Variants in PPARD observed in about 807,000 individuals in gnomAD.
PPARD encodes the protein peroxisome proliferator activated receptor delta, also known as peroxisome proliferator-activated receptor delta.
Under a neutral mutation model 39.5 loss-of-function variants are expected in PPARD, and 6 were observed. The ratio of observed to expected loss-of-function variants is 0.15; its 90% CI spans 0.08 to 0.30. The LOEUF is 0.30. Ranked by LOEUF, PPARD falls within the 10% of genes least tolerant of loss-of-function variation. The pLI is 1.00. For synonymous variants in PPARD, 210 were observed against 231.3 expected (o/e 0.91, Z 0.83); for missense variants, 397 against 596.8 (o/e 0.67, Z 3.49).
chr6:35,422,435 G>T (rs1366117325), intron 5 of PPARD, among the ~76,000 whole-genome samples: 2 of 152,202 alleles, frequency 1.3e-5, no homozygotes, highest in Non-Finnish European at 2.9e-5. Flanking sequence ...GTTTCTTGGA[G>T]GTCACCCACT....
intron 2 of PPARD, among the ~76,000 whole-genome samples, chr6:35,365,448 T>G (rs1033337266): frequency 4.8e-5 from 7 of 146,354 alleles, no homozygotes; most frequent in Non-Finnish European, 9.0e-5. Context: ...CCCCTCATTC[T>G]TTTTTTTTTA....
chr6:35,389,632 G>A (rs907158576), intron 2 of PPARD, among the ~76,000 whole-genome samples: 1 of 152,150 alleles, frequency 6.6e-6, no homozygotes, highest in Middle Eastern at 3.4e-3. Context: ...GTTTTATGGT[G>A]GTATATAAAT....
chr6:35,426,406 C>G lies in PPARD; in HGVS notation c.*327C>G. ...CCCTTTCTCTCTCCACCCCCCACGTCTGTCCTCCTTTCTTATTCTGTGAGA... is the reference window on the plus strand; with the variant it reads ...CCCTTTCTCTCTCCACCCCCCACGTGTGTCCTCCTTTCTTATTCTGTGAGA... On this transcript the variant is annotated 3_prime_UTR_variant, in exon 8 of 8. Coordinates refer to ENST00000360694, the MANE Select transcript of PPARD (RefSeq NM_006238.5). The G allele has an allele frequency of 2.5e-6, 1 of 402,384 alleles. No individual in the cohort carries two copies. Among genetic ancestry groups the G allele is most frequent in the Non-Finnish European group, 4.6e-6 (1 of 219,218 alleles). The allele number at this position is 402,384 out of a possible 1,614,324, so 24.9% of individuals were successfully genotyped here.
chr6:35,387,320 A>G (rs902168802), intron 2 of PPARD, among the ~76,000 whole-genome samples: 1 of 152,166 alleles, frequency 6.6e-6, no homozygotes, highest in African/African-American at 2.4e-5. Context: ...CAAGCTGCCC[A>G]TGGTTTACCC....
At chr6:35,352,288 A>G (rs1761306611) in intron 2 of PPARD, among the ~76,000 whole-genome samples, 1 of 152,006 alleles carries the variant, frequency 6.6e-6, no homozygotes, top group South Asian at 2.1e-4. Flanking sequence ...GGTTCAAGTG[A>G]TTCTTCTGCC....
At chr6:35,404,023 G>A (rs1356870732) in intron 2 of PPARD, among the ~76,000 whole-genome samples, 1 of 152,216 alleles carries the variant, frequency 6.6e-6, no homozygotes, top group Admixed American at 6.5e-5. Flanking sequence ...TGACCAAGGT[G>A]TTCTTGACAG....
At chr6:35,384,155 C>T (rs1304629258) in intron 2 of PPARD, among the ~76,000 whole-genome samples, 2 of 140,924 alleles carry the variant, frequency 1.4e-5, no homozygotes, top group African/African-American at 5.3e-5. Context: ...GCCTGGCCAC[C>T]CCTACTGGGA....
intron 1 of PPARD, among the ~76,000 whole-genome samples, chr6:35,343,235 C>T: frequency 6.6e-6 from 1 of 152,126 alleles, no homozygotes; most frequent in East Asian, 1.9e-4. Context: ...CTGTCCCCTT[C>T]TTATCTGTGG....
chr6:35,353,798 G>A (rs1761400149), intron 2 of PPARD, among the ~76,000 whole-genome samples: 1 of 152,256 alleles, frequency 6.6e-6, no homozygotes, highest in Admixed American at 6.5e-5. Flanking sequence ...GGCTCCGTAT[G>A]GGGCTAACAT....
intron 2 of PPARD, among the ~76,000 whole-genome samples, chr6:35,405,472 G>A (rs1764981667): frequency 6.6e-6 from 1 of 151,972 alleles, no homozygotes; most frequent in Non-Finnish European, 1.5e-5. Context: ...AGCCTCTTAA[G>A]TGGGGCAAAG....
At chr6:35,397,908 T>C (rs954776977) in intron 2 of PPARD, among the ~76,000 whole-genome samples, 3 of 152,012 alleles carry the variant, frequency 2.0e-5, no homozygotes, top group African/African-American at 7.3e-5. Flanking sequence ...GGTGAGGCAG[T>C]GAGCTGTGGA....
At chr6:35,419,335 A>G (rs1765989373) in intron 3 of PPARD, among the ~76,000 whole-genome samples, 1 of 152,174 alleles carries the variant, frequency 6.6e-6, no homozygotes, top group Non-Finnish European at 1.5e-5. Flanking sequence ...CGAGTGTCCA[A>G]AGGGCACTGG....
intron 2 of PPARD, among the ~76,000 whole-genome samples, chr6:35,377,871 C>CA (rs1762903602): frequency 1.7e-5 from 2 of 120,342 alleles, no homozygotes; most frequent in Non-Finnish European, 3.2e-5. Flanking sequence ...GTTTACGTAT[C>CA]TTTTTTTTTT....
intron 3 of PPARD, among the ~76,000 whole-genome samples, chr6:35,418,155 A>G (rs1226888767): frequency 1.3e-5 from 2 of 152,256 alleles, no homozygotes; most frequent in Non-Finnish European, 2.9e-5. Context: ...CGTGCAGGCC[A>G]CAAAGACAAA....
chr6:35,360,946 C>A (rs1402877518), intron 2 of PPARD, among the ~76,000 whole-genome samples: 2 of 152,122 alleles, frequency 1.3e-5, no homozygotes, highest in African/African-American at 4.8e-5. Context: ...ATCTGCCTGC[C>A]CTGCTGGCTC....
intron 2 of PPARD, among the ~76,000 whole-genome samples, chr6:35,355,741 A>G (rs1194570092): frequency 6.7e-6 from 1 of 149,534 alleles, no homozygotes; most frequent in East Asian, 2.0e-4. Flanking sequence ...CCTCCCGAGT[A>G]GCTGGGACTA....
intron 2 of PPARD, among the ~76,000 whole-genome samples, chr6:35,359,627 C>A (rs774503875): frequency 6.6e-6 from 1 of 152,144 alleles, no homozygotes; most frequent in Non-Finnish European, 1.5e-5. Context: ...CCCAGTGGGA[C>A]TCCCACAGCT....
intron 2 of PPARD, among the ~76,000 whole-genome samples, chr6:35,408,974 C>G (rs183075813): frequency 1.6e-4 from 24 of 151,996 alleles, no homozygotes; most frequent in African/African-American, 5.6e-4. Context: ...GTCCAGGATC[C>G]CACATTCATT....
intron 2 of PPARD, among the ~76,000 whole-genome samples, chr6:35,354,675 C>T (rs561162771): frequency 1.3e-5 from 2 of 152,118 alleles, no homozygotes; most frequent in Admixed American, 1.3e-4. Context: ...GTAACATAAG[C>T]TCTGTGTTAG....
Sources: gnomAD v4.1 joint callset for allele counts (sites outside exome capture counted in the v4.1 genomes callset) on GRCh38, gnomAD v4.1.1 for gene constraint, MANE v1.5 for transcripts, NCBI Gene and HGNC (gene_info 2026-07-23, HGNC 2026-07-21) for gene names.